The following KHDRBS2 variants were observed in gnomAD, a reference collection of about 807,000 sequenced individuals.
The protein encoded by KHDRBS2 is KH RNA binding domain containing, signal transduction associated 2.
Under a neutral mutation model 44.3 loss-of-function variants are expected in KHDRBS2, and 26 were observed. That is an observed-to-expected ratio of 0.59 (90% CI 0.43 to 0.81). The LOEUF (loss-of-function observed/expected upper bound fraction) is 0.81. Ranked by LOEUF, KHDRBS2 falls within the 40% of genes least tolerant of loss-of-function variation. The pLI is 0.00. For synonymous variants in KHDRBS2, 194 were observed against 151.1 expected, an observed-to-expected ratio of 1.28 and a Z score of -2.08; for missense variants, 476 against 433.1, an observed-to-expected ratio of 1.10 and a Z score of -0.88.
At chr6:62,021,021 C>T (rs1158735523) in intron 3 of KHDRBS2, among the ~76,000 whole-genome samples, 1 of 151,964 alleles carries the variant, frequency 6.6e-6, no homozygotes, top group African/African-American at 2.4e-5. Flanking sequence ...AACTATGGTA[C>T]ATATAAACCA....
intron 6 of KHDRBS2, among the ~76,000 whole-genome samples, chr6:61,737,471 T>C (rs893642360): frequency 6.6e-6 from 1 of 152,140 alleles, no homozygotes; most frequent in Non-Finnish European, 1.5e-5. Context: ...AACAGTAAAC[T>C]ATCATTAGAC....
chr6:61,732,229 C>A (rs946381127), intron 7 of KHDRBS2, among the ~76,000 whole-genome samples: 13 of 151,934 alleles, frequency 8.6e-5, no homozygotes, highest in Non-Finnish European at 1.8e-4. Context: ...CAATATGAGA[C>A]CTATCAAGAA....
Position 62,272,351 on chromosome 6 carries a change from A to G in KHDRBS2, c.91+13507T>C, listed in dbSNP as rs76116641. 1.5e-3 allele frequency among the ~76,000 whole-genome samples: 235 copies of G among 152,334 alleles called. 1 individual carries two copies. The highest frequency in any genetic ancestry group is 5.5e-3 in the African/African-American group (228 of 41,586). On this transcript the variant is annotated intron_variant, in intron 1 of 8. Coordinates refer to ENST00000281156, the MANE Select transcript of KHDRBS2 (RefSeq NM_152688.4). ...AACAAATGACTGTATTTGAAATGAT[A>G]CACAAGCACATCCTTTTTCTTAGGT...
the KHDRBS2 span, among the ~76,000 whole-genome samples, chr6:61,617,743 T>A: frequency 6.6e-6 from 1 of 152,132 alleles, no homozygotes; most frequent in Non-Finnish European, 1.5e-5. Context: ...TGAATGCTAA[T>A]AGCTTATAGA....
At chr6:61,957,500 G>A (rs1767646157) in intron 4 of KHDRBS2, among the ~76,000 whole-genome samples, 1 of 144,666 alleles carries the variant, frequency 6.9e-6, no homozygotes, top group South Asian at 2.2e-4. Context: ...CTCTAAAATG[G>A]CTGCTTTGGG....
chr6:61,830,138 C>A (rs906307529), intron 6 of KHDRBS2, among the ~76,000 whole-genome samples: 1 of 152,090 alleles, frequency 6.6e-6, no homozygotes, highest in African/African-American at 2.4e-5. Context: ...TTTTCCATGT[C>A]CTCTCTAATT....
chr6:61,929,909 T>G (rs1809692208), intron 4 of KHDRBS2, among the ~76,000 whole-genome samples: 1 of 152,178 alleles, frequency 6.6e-6, no homozygotes, highest in Non-Finnish European at 1.5e-5. Context: ...ACTATTTTAT[T>G]TCTTAACCTC....
intron 5 of KHDRBS2, among the ~76,000 whole-genome samples, chr6:61,896,949 C>T (rs563212465): frequency 4.5e-4 from 69 of 152,132 alleles, no homozygotes; most frequent in Non-Finnish European, 8.2e-4. Flanking sequence ...TACTTTTCCT[C>T]ATTCCTCCTT....
the KHDRBS2 span, among the ~76,000 whole-genome samples, chr6:61,590,474 A>G: frequency 6.6e-6 from 1 of 152,192 alleles, no homozygotes; most frequent in African/African-American, 2.4e-5. Flanking sequence ...TTTGGAGTCA[A>G]ATAAGTTTAT....
intron 4 of KHDRBS2, among the ~76,000 whole-genome samples, chr6:61,945,150 T>TACACACACAC (rs1554284675): frequency 3.4e-5 from 3 of 87,012 alleles, no homozygotes; most frequent in Non-Finnish European, 4.6e-5. Flanking sequence ...TATATATATA[T>TACACACACAC]ACACACAGAC....
At chr6:62,131,507 G>T (rs529609512) in intron 2 of KHDRBS2, among the ~76,000 whole-genome samples, 1 of 152,194 alleles carries the variant, frequency 6.6e-6, no homozygotes, top group Non-Finnish European at 1.5e-5. Context: ...CGAGGGAGCC[G>T]AGGTTAGCGG....
At chr6:61,776,790 A>T (rs1782100314) in intron 6 of KHDRBS2, among the ~76,000 whole-genome samples, 1 of 152,218 alleles carries the variant, frequency 6.6e-6, no homozygotes, top group South Asian at 2.1e-4. Context: ...ATTATTGGGT[A>T]TATACCCAAA....
intron 1 of KHDRBS2, among the ~76,000 whole-genome samples, chr6:62,187,597 T>C (rs1342652706): frequency 6.6e-6 from 1 of 152,176 alleles, no homozygotes. Context: ...AACATATGCA[T>C]ACAGCCATGA....
chr6:62,100,858 A>G (rs527559440), intron 2 of KHDRBS2, among the ~76,000 whole-genome samples: 10 of 152,286 alleles, frequency 6.6e-5, no homozygotes, highest in African/African-American at 1.9e-4. Context: ...CAAGCCCATA[A>G]CATCTCTGAG....
the KHDRBS2 span, among the ~76,000 whole-genome samples, chr6:61,566,654 A>G: frequency 1.3e-5 from 2 of 152,160 alleles, no homozygotes; most frequent in Non-Finnish European, 2.9e-5. Flanking sequence ...GATCTCTTTC[A>G]CTGTCATAAT....
intron 4 of KHDRBS2, among the ~76,000 whole-genome samples, chr6:61,932,398 T>C (rs1241401508): frequency 6.6e-6 from 1 of 152,226 alleles, no homozygotes; most frequent in African/African-American, 2.4e-5. Context: ...ACTGTAATTA[T>C]GTATTTTTTG....
At chr6:61,808,876 A>G (rs1787618818) in intron 6 of KHDRBS2, among the ~76,000 whole-genome samples, 8 of 152,022 alleles carry the variant, frequency 5.3e-5, no homozygotes, top group Admixed American at 4.6e-4. Context: ...AAAACAAAAT[A>G]CAAATAATTA....
the KHDRBS2 span, among the ~76,000 whole-genome samples, chr6:61,646,177 G>A: frequency 6.6e-6 from 1 of 152,132 alleles, no homozygotes; most frequent in African/African-American, 2.4e-5. Flanking sequence ...CTGTGGCTCA[G>A]CTACAAAACA....
the KHDRBS2 span, among the ~76,000 whole-genome samples, chr6:61,577,364 G>A: frequency 8.5e-5 from 13 of 152,072 alleles, no homozygotes; most frequent in Non-Finnish European, 1.0e-4. Context: ...TGAACTGGAG[G>A]AGGAAACACA....
Sources: gnomAD v4.1 joint callset for allele counts (sites outside exome capture counted in the v4.1 genomes callset) on GRCh38, gnomAD v4.1.1 for gene constraint, MANE v1.5 for transcripts, NCBI Gene and HGNC (gene_info 2026-07-23, HGNC 2026-07-21) for gene names.